ZNF408: variants seen among roughly 807,000 people sequenced by gnomAD.
ZNF408 encodes the protein zinc finger protein 408, also known as PR domain zinc finger protein 17.
ZNF408 carries 24 observed loss-of-function variants against 27.6 expected under a neutral mutation model. The ratio of observed to expected loss-of-function variants is 0.87; its 90% confidence interval spans 0.63 to 1.22. The LOEUF (loss-of-function observed/expected upper bound fraction) is 1.22. ZNF408 is among the 50% of genes most tolerant of loss of function. ZNF408 has a pLI of 0.00. For synonymous variants in ZNF408, 410 were observed against 396.1 expected (o/e 1.04, Z -0.42); for missense variants, 897 against 949.0 (o/e 0.95, Z 0.72).
chr11:46,704,220 G>A, intron 4 of ZNF408, 133 bp from the exon 5 acceptor site: 1 of 928,232 alleles, frequency 1.1e-6, no homozygotes, highest in Non-Finnish European at 1.6e-6. Flanking sequence ...CATGCTCCAG[G>A]GAAGAGATTG....
intron 4 of ZNF408, among the ~76,000 whole-genome samples, chr11:46,703,754 TG>T (rs2064728199): frequency 3.0e-5 from 4 of 132,620 alleles, no homozygotes; most frequent in Non-Finnish European, 6.3e-5. Flanking sequence ...TTGTTGTTGT[TG>T]TTGTTGTTGT....
intron 4 of ZNF408, among the ~76,000 whole-genome samples, chr11:46,704,137 C>T (rs546106916): frequency 6.6e-6 from 1 of 152,010 alleles, no homozygotes; most frequent in Non-Finnish European, 1.5e-5. Context: ...ATGGCTGGGA[C>T]CCCATGGCTC....
In ZNF408 at chr11:46,705,159, A is replaced by G. The variant is rs745445688; in HGVS notation, c.1459A>G (p.Met487Val). The change falls in exon 5 of 5, where the codon ATG (methionine) becomes GTG (valine). Residue 487 changes from methionine (M) to valine (V), a missense_variant. By Grantham distance (21) the Met-to-Val change is conservative (BLOSUM62 1). Coordinates refer to ENST00000311764, the MANE Select transcript of ZNF408 (RefSeq NM_024741.3). The surrounding 1 kb of genome is among the most constrained non-coding windows in gnomAD (Gnocchi z 6.5). ...CAACCAGGGCTCCCTGCGGAACCAT[A>G]TGAGGCTCCATACAGGAGAAAAGCC... Reference protein sequence around the residue: ...LANQGSLRNHMRLHTGEKPFL... With the variant: ...LANQGSLRNHVRLHTGEKPFL... 1 of 1,611,238 alleles carries G rather than the reference A, an allele frequency of 6.2e-7. No individual in the cohort carries two copies. The highest frequency in any genetic ancestry group is 1.1e-5 in the South Asian group (1 of 91,088).
Position 46,705,468 on chromosome 11 carries a change from C to G in ZNF408, c.1768C>G (p.Leu590Val), listed in dbSNP as rs1384366303. 1.9e-6 allele frequency: 3 copies of G among 1,607,450 alleles called. No individual in the cohort carries two copies. Among genetic ancestry groups the G allele is most frequent in the Non-Finnish European group, 2.5e-6 (3 of 1,179,954 alleles). ...TCCCCAGTGTGGCCGTGCTTACACG[C>G]TGGCCACCAAGCTGCGGCGCCACCT... ...PCPQCGRAYT[L>V]ATKLRRHLKS... The change falls in exon 5 of 5, where the codon CTG becomes GTG. Residue 590 changes from leucine (L) to valine (V), a missense_variant. Leu to Val is a conservative substitution (Grantham distance 32, BLOSUM62 1). Transcript: ENST00000311764. This position sits in a 1 kb window ranked among gnomAD's most constrained non-coding sequence, Gnocchi z 6.5.
chr11:46,702,502 G>A (rs920146089), intron 2 of ZNF408, among the ~76,000 whole-genome samples: 34 of 152,244 alleles, frequency 2.2e-4, no homozygotes, highest in African/African-American at 7.2e-4. Context: ...ACCCTTGGGA[G>A]GGAGGTGAGG....
Position 46,705,369 on chromosome 11 carries a change from G to C in ZNF408, c.1669G>C (p.Gly557Arg). ...TGEAHLCPVC[G>R]KALRDPHTLR... ...GGAGGCCCACTTGTGCCCGGTGTGT[G>C]GCAAGGCCCTCCGAGACCCACACAC... The change falls in exon 5 of 5, where the codon GGC (glycine) becomes CGC (arginine). Residue 557 changes from glycine (G) to arginine (R), a missense_variant. Transcript: ENST00000311764. This position sits in a 1 kb window ranked among gnomAD's most constrained non-coding sequence, Gnocchi z 6.5. 1 of 1,595,584 alleles carries C rather than the reference G, an allele frequency of 6.3e-7. No individual in the cohort carries two copies. The highest frequency in any genetic ancestry group is 2.3e-5 in the East Asian group (1 of 44,298).
At chr11:46,702,858 C>T in intron 3 of ZNF408, 93 bp downstream of exon 3, 1 of 1,594,220 alleles carries the variant, frequency 6.3e-7, no homozygotes, top group Non-Finnish European at 8.6e-7. Context: ...ATTCAGTGCT[C>T]TTTTGCAGTG....
In ZNF408 at chr11:46,705,545, C is replaced by T. The variant is rs150098224; in HGVS notation, c.1845C>T (p.Gly615=). 1.3e-4 allele frequency: 205 copies of T among 1,604,920 alleles called. No homozygotes were observed. The highest frequency in any genetic ancestry group is 1.7e-4 in the Non-Finnish European group (198 of 1,179,976). The change falls in exon 5 of 5, where the codon GGC becomes GGT. Residue 615 remains glycine, a synonymous_variant. Coordinates refer to ENST00000311764, the MANE Select transcript of ZNF408 (RefSeq NM_024741.3). The surrounding 1 kb of genome is among the most constrained non-coding windows in gnomAD (Gnocchi z 6.5). ...ACCGCTGCCCCACCTGTGGCATGGGCTACACCCTCCCGCAGAGCCTCAGGC... is the reference window on the plus strand; with the variant it reads ...ACCGCTGCCCCACCTGTGGCATGGGTTACACCCTCCCGCAGAGCCTCAGGC... ...KPYRCPTCGM[G]YTLPQSLRRH... is the part of the protein sequence containing the mutation.
chr11:46,701,667 G>A lies in ZNF408; in HGVS notation c.321G>A (p.Arg107=), dbSNP rs750404266. Residue 107 remains arginine (R), a synonymous_variant, in exon 2 of 5, where the codon CGG becomes CGA. Transcript: ENST00000311764. ...SKEKGEGVKP[R]QEENLSLGPW... ...AGAAGGGCGAGGGAGTAAAGCCACGGCAGGAGGAGGTATTGAAGGATAGAG... is the reference window on the plus strand; with the variant it reads ...AGAAGGGCGAGGGAGTAAAGCCACGACAGGAGGAGGTATTGAAGGATAGAG... 24 of 1,577,830 alleles carry A rather than the reference G, an allele frequency of 1.5e-5. No homozygotes were observed. The highest frequency in any genetic ancestry group is 2.0e-5 in the Non-Finnish European group (23 of 1,158,784).
At position 46,705,849 on chromosome 11, in the gene ZNF408, G is replaced by A. The variant is rs768822184; in HGVS notation, c.2149G>A (p.Glu717Lys). The A allele has an allele frequency of 3.7e-6, 6 of 1,611,790 alleles. No individual in the cohort carries two copies. In the East Asian group the frequency reaches 8.9e-5, roughly 24 times the overall value. Residue 717 changes from glutamate (E) to lysine (K), a missense_variant, in exon 5 of 5, where the codon GAG becomes AAG. Glu to Lys is a moderately conservative substitution (Grantham distance 56). Transcript: ENST00000311764. The surrounding 1 kb of genome is among the most constrained non-coding windows in gnomAD (Gnocchi z 6.5). ...LGAWAEVVEV[E>K]MGT Reference sequence around the variant, plus strand: ...CGCCTGGGCAGAGGTGGTGGAGGTGGAGATGGGCACCTGACAGCTTTGCCT... The same window carrying A: ...CGCCTGGGCAGAGGTGGTGGAGGTGAAGATGGGCACCTGACAGCTTTGCCT...
chr11:46,703,951 C>G (rs552465752), intron 4 of ZNF408, among the ~76,000 whole-genome samples: 1 of 151,568 alleles, frequency 6.6e-6, no homozygotes, highest in Non-Finnish European at 1.5e-5. Flanking sequence ...AGGCTGGTCT[C>G]GAACTCCTGG....
Position 46,705,118 on chromosome 11 carries a change from G to A in ZNF408, c.1418G>A (p.Cys473Tyr), listed in dbSNP as rs759956404. 25 of 1,611,668 alleles carry A rather than the reference G, an allele frequency of 1.6e-5. No individual in the cohort carries two copies. The highest frequency in any genetic ancestry group is 2.1e-5 in the Non-Finnish European group (25 of 1,179,932). ...CCTGCCCCTTGCCCATGCCCTGTGT[G>A]TGGGCGGCCCCTGGCCAACCAGGGC... ...AAPAPCPCPV[C>Y]GRPLANQGSL... Residue 473 changes from cysteine (C) to tyrosine (Y), a missense_variant, in exon 5 of 5, where the codon TGT becomes TAT. Transcript: ENST00000311764. The surrounding 1 kb of genome is among the most constrained non-coding windows in gnomAD (Gnocchi z 6.5).
chr11:46,704,989 T>C lies in ZNF408; in HGVS notation c.1289T>C (p.Val430Ala). The part of the protein sequence containing the change: ...TQRDLKEHQV[V>A]HSGARPFACD... ...CGAGACCTCAAAGAGCACCAGGTGG[T>C]ACATTCAGGTGCCCGGCCCTTTGCT... is the stretch of plus-strand genomic sequence containing the variant. Residue 430 changes from valine (V) to alanine (A), a missense_variant, in exon 5 of 5, where the codon GTA (valine) becomes GCA (alanine). Physicochemically the swap from Val to Ala is moderately conservative, Grantham distance 64 (BLOSUM62 0). Transcript: ENST00000311764. 6.2e-7 allele frequency: 1 copy of C among 1,613,252 alleles called. No homozygotes were observed. Among genetic ancestry groups the C allele is most frequent in the South Asian group, 1.1e-5 (1 of 91,066 alleles).
At chr11:46,703,430 G>A (rs540223521) in intron 4 of ZNF408, among the ~76,000 whole-genome samples, 187 bp downstream of exon 4, 58 of 152,284 alleles carry the variant, frequency 3.8e-4, no homozygotes, top group African/African-American at 1.3e-3. Context: ...GATTAGTATT[G>A]GGTAAGGATT....
chr11:46,703,131 C>T lies in ZNF408; in HGVS notation c.540C>T (p.Leu180=). 6.2e-7 allele frequency: 1 copy of T among 1,612,114 alleles called. No homozygotes were observed. Among genetic ancestry groups the T allele is most frequent in the Non-Finnish European group, 8.5e-7 (1 of 1,179,356 alleles). The change falls in exon 4 of 5, where the codon CTC becomes CTT. Residue 180 remains leucine, a synonymous_variant. Transcript: ENST00000311764. ...WPQPSSEGPS[L]TQPGLDKEAA... is the part of the protein sequence containing the mutation. ...AGCCTTCCTCTGAGGGCCCAAGTCT[C>T]ACCCAGCCTGGGCTGGACAAAGAGG...
rs1230325919 is a variant in ZNF408, at chr11:46,701,683, A to C, written c.330+7A>C. 1.9e-6 allele frequency: 3 copies of C among 1,555,332 alleles called. No homozygotes were observed. The East Asian group carries it at 7.1e-5, about 37-fold the overall frequency. On this transcript the variant is annotated splice_region_variant and intron_variant, in intron 2 of 4. Transcript: ENST00000311764. ...AAAGCCACGGCAGGAGGAGGTATTG[A>C]AGGATAGAGCGACTTCCCTCCGCCC...
At chr11:46,701,153 G>A (rs2064700998) in intron 1 of ZNF408, 54 bp downstream of exon 1, 1 of 1,613,368 alleles carries the variant, frequency 6.2e-7, no homozygotes, top group Non-Finnish European at 8.5e-7. Context: ...TGGATCTGAC[G>A]CTCTGTGGTC....
At chr11:46,701,938 G>T in intron 2 of ZNF408, 1 of 359,486 alleles carries the variant, frequency 2.8e-6, no homozygotes, top group South Asian at 9.7e-5. Context: ...AAGAAAGCAT[G>T]GGATCAAATT....
chr11:46,702,902 A>T, intron 3 of ZNF408, 82 bp from the exon 4 acceptor site: 1 of 1,599,428 alleles, frequency 6.3e-7, no homozygotes, highest in Non-Finnish European at 8.5e-7. Context: ...TTTAGGACCC[A>T]GACTGCTTGG....
Sources: gnomAD v4.1 joint callset for allele counts (sites outside exome capture counted in the v4.1 genomes callset) on GRCh38, gnomAD v4.1.1 for gene constraint, Gnocchi (gnomAD v3.1) non-coding constraint, MANE v1.5 for transcripts, NCBI Gene and HGNC (gene_info 2026-07-23, HGNC 2026-07-21) for gene names.